The following USP6NL variants were observed in gnomAD, a reference collection of about 807,000 sequenced individuals.
The protein encoded by USP6NL is USP6 N-terminal-like protein.
A neutral mutation model predicts 61.9 loss-of-function variants in USP6NL; 26 were observed. That is an observed-to-expected ratio of 0.42 (90% CI 0.31 to 0.58). USP6NL has a LOEUF of 0.58. USP6NL is among the 20% of genes least tolerant of loss of function. USP6NL has a pLI of 0.16. For synonymous variants in USP6NL, 432 were observed against 390.1 expected, an observed-to-expected ratio of 1.11 and a Z score of -1.27; for missense variants, 1,114 against 1,034.3, an observed-to-expected ratio of 1.08 and a Z score of -1.06.
intron 4 of USP6NL, among the ~76,000 whole-genome samples, chr10:11,523,285 G>A (rs1326090523): frequency 6.6e-6 from 1 of 152,240 alleles, no homozygotes; most frequent in African/African-American, 2.4e-5. Flanking sequence ...CAATAGACAA[G>A]AGTCAGAGAG....
rs1201886926 is a variant in USP6NL, at chr10:11,476,079, G to A, written c.1078+5691C>T. ...AGGAAAACAAAAGGTGGGGTGAAGA[G>A]GGGGGAAGAGGAAAGGTGTACTGCT... On this transcript the variant is annotated intron_variant, in intron 14 of 14. Transcript: ENST00000609104. This position sits in a 1 kb window ranked among gnomAD's most constrained non-coding sequence, Gnocchi z 4.3. 2.7e-5 allele frequency among the ~76,000 whole-genome samples: 4 copies of A among 149,872 alleles called. No homozygotes were observed. The highest frequency in any genetic ancestry group is 2.1e-4 in the South Asian group (1 of 4,700).
chr10:11,582,929 T>C (rs1837833169), intron 2 of USP6NL, among the ~76,000 whole-genome samples: 1 of 149,760 alleles, frequency 6.7e-6, no homozygotes, highest in Non-Finnish European at 1.5e-5. Context: ...AGATTTCTTA[T>C]GTATCTAGTA....
intron 2 of USP6NL, among the ~76,000 whole-genome samples, chr10:11,582,558 G>C (rs79847025): frequency 0.021 from 3,133 of 152,316 alleles, 50 homozygotes; most frequent in Middle Eastern, 0.048. Context: ...AAGAGCCACA[G>C]AATATGTGTT....
At position 11,542,651 on chromosome 10, in the gene USP6NL, A is replaced by G. The variant is rs146471316; in HGVS notation, c.5-15084T>C. Reference sequence around the variant, plus strand: ...GGAGAATTGCCTGAACCCGGGAGACAGAGTTTGCAAGGAGCTGAGATCAGG... The same window carrying G: ...GGAGAATTGCCTGAACCCGGGAGACGGAGTTTGCAAGGAGCTGAGATCAGG... On this transcript the variant is annotated intron_variant, in intron 2 of 14. Transcript: ENST00000609104. 1.3e-4 allele frequency among the ~76,000 whole-genome samples: 20 copies of G among 152,300 alleles called. 1 individual carries two copies. The East Asian group carries it at 3.9e-3, about 29-fold the overall frequency.
chr10:11,479,934 TA>T (rs2133214732), intron 14 of USP6NL, among the ~76,000 whole-genome samples: 1 of 152,302 alleles, frequency 6.6e-6, no homozygotes, highest in Non-Finnish European at 1.5e-5. Flanking sequence ...GAGGTTCATT[TA>T]ATTATCTTAG....
rs1163689917 is a variant in USP6NL, at chr10:11,525,767, C to T, written c.73-299G>A. On this transcript the variant is annotated intron_variant, in intron 3 of 14. Transcript: ENST00000609104. The surrounding 1 kb of genome is among the most constrained non-coding windows in gnomAD (Gnocchi z 5.0). ...GGGGAAGCTAATGAGGAAAGAAGAG[C>T]GATGGGGATGAGAAAGCCACTCCAG... 6.6e-6 allele frequency among the ~76,000 whole-genome samples: 1 copy of T among 152,132 alleles called. No individual in the cohort carries two copies. Among genetic ancestry groups the T allele is most frequent in the Non-Finnish European group, 1.5e-5 (1 of 68,028 alleles).
Position 11,575,758 on chromosome 10 carries a change from T to C in USP6NL, c.4+21873A>G, listed in dbSNP as rs1837517055. ...GCATCAGTAAGAATATCTGATCACA[T>C]ACTCTGATGTATGTAACTGAGCTGA... On this transcript the variant is annotated intron_variant, in intron 2 of 14. Transcript: ENST00000609104. The surrounding 1 kb of genome is among the most constrained non-coding windows in gnomAD (Gnocchi z 4.2). 6.6e-6 allele frequency among the ~76,000 whole-genome samples: 1 copy of C among 152,208 alleles called. No homozygotes were observed. The highest frequency in any genetic ancestry group is 6.5e-5 in the Admixed American group (1 of 15,286).
intron 2 of USP6NL, chr10:11,573,563 G>A (rs1460103589): frequency 5.0e-6 from 2 of 398,574 alleles, no homozygotes; most frequent in Non-Finnish European, 8.9e-6. Flanking sequence ...AGCAAAATCT[G>A]AGTGCCCTGA....
At chr10:11,471,845 G>GA (rs1016348983) in intron 14 of USP6NL, among the ~76,000 whole-genome samples, 7 of 146,314 alleles carry the variant, frequency 4.8e-5, no homozygotes, top group Non-Finnish European at 1.0e-4. Flanking sequence ...GGGAGGGGGG[G>GA]ACAGCATTAT....
chr10:11,554,168 C>T (rs186680797), intron 2 of USP6NL, among the ~76,000 whole-genome samples: 8 of 152,288 alleles, frequency 5.3e-5, no homozygotes, highest in Admixed American at 5.2e-4. Context: ...AGAGTACACA[C>T]AGAAGAAAGA....
At position 11,555,416 on chromosome 10, in the gene USP6NL, A is replaced by T. The variant is rs189702083; in HGVS notation, c.5-27849T>A. Among the ~76,000 whole-genome samples, 342 of 12,552 alleles carry T rather than the reference A, an allele frequency of 0.027. 21 individuals are homozygous for T. In the East Asian group the frequency reaches 0.39, roughly 14 times the overall value. 8.2% of individuals were successfully genotyped at this position (12,552 alleles called of 152,430 possible). Reference sequence around the variant, plus strand: ...GGCAACAAGAGTGAAACTCGGTCTTAAAAAAAAAAAAAAAAAAATATATAT... The same window carrying T: ...GGCAACAAGAGTGAAACTCGGTCTTTAAAAAAAAAAAAAAAAAATATATAT... On this transcript the variant is annotated intron_variant, in intron 2 of 14. Transcript: ENST00000609104.
chr10:11,549,054 C>T (rs1184971153), intron 2 of USP6NL, among the ~76,000 whole-genome samples: 4 of 152,148 alleles, frequency 2.6e-5, no homozygotes, highest in Non-Finnish European at 4.4e-5. Flanking sequence ...GGAGTCTAGT[C>T]TTCTGGTACC....
intron 7 of USP6NL, 87 bp downstream of exon 7, chr10:11,501,014 T>C (rs1834162502): frequency 1.9e-6 from 2 of 1,034,926 alleles, no homozygotes; most frequent in South Asian, 4.4e-5. Flanking sequence ...TAAGTGATCA[T>C]ATGAATATCT....
intron 1 of USP6NL, among the ~76,000 whole-genome samples, chr10:11,606,991 T>C (rs150370606): frequency 1.4e-3 from 206 of 152,298 alleles, no homozygotes; most frequent in African/African-American, 4.3e-3. Context: ...AGTTTCACCA[T>C]GTTGGCCAGG....
At chr10:11,526,054 T>C (rs1329472327) in intron 3 of USP6NL, among the ~76,000 whole-genome samples, 3 of 146,118 alleles carry the variant, frequency 2.1e-5, no homozygotes, top group African/African-American at 7.3e-5. Flanking sequence ...CACTCCCTCT[T>C]CCCAACTCCT....
rs1468001595 is a variant in USP6NL at position 11,510,412 on chromosome 10, T to C, written c.196-737A>G. 6.6e-6 allele frequency among the ~76,000 whole-genome samples: 1 copy of C among 152,046 alleles called. No individual in the cohort carries two copies. Among genetic ancestry groups the C allele is most frequent in the South Asian group, 2.1e-4 (1 of 4,822 alleles). On this transcript the variant is annotated intron_variant, in intron 5 of 14. Coordinates refer to ENST00000609104, the MANE Select transcript of USP6NL (RefSeq NM_014688.5). The surrounding 1 kb of genome is among the most constrained non-coding windows in gnomAD (Gnocchi z 4.8). ...AGAATGTTCCAGGCAGCCTTGAGAA[T>C]GCATGTATTTCTGAGACAGCAGGGG... is the stretch of plus-strand genomic sequence containing the variant.
chr10:11,533,673 C>T (rs1438912555), intron 2 of USP6NL, among the ~76,000 whole-genome samples: 1 of 152,186 alleles, frequency 6.6e-6, no homozygotes, highest in African/African-American at 2.4e-5. Context: ...GCCCTGCTGA[C>T]TCTGGCCCAG....
rs367600656 is a variant in USP6NL, at chr10:11,548,300, C to T, written c.5-20733G>A. ...CCCCGGAAAAGGTTTGGTGGGAGAA[C>T]AGCAGCACTATTACCTCCTTTGATC... On this transcript the variant is annotated intron_variant, in intron 2 of 14. Coordinates refer to ENST00000609104, the MANE Select transcript of USP6NL (RefSeq NM_014688.5). The surrounding 1 kb of genome is among the most constrained non-coding windows in gnomAD (Gnocchi z 4.3). Among the ~76,000 whole-genome samples, 1 of 152,190 alleles carries T rather than the reference C, an allele frequency of 6.6e-6. No individual in the cohort carries two copies. The highest frequency in any genetic ancestry group is 1.5e-5 in the Non-Finnish European group (1 of 68,040).
At position 11,587,114 on chromosome 10, in the gene USP6NL, T is replaced by C. The variant is rs1444653960; in HGVS notation, c.4+10517A>G. On this transcript the variant is annotated intron_variant, in intron 2 of 14. Transcript: ENST00000609104. The surrounding 1 kb of genome is among the most constrained non-coding windows in gnomAD (Gnocchi z 4.5). ...GTTCCATGATCTACAAGGCCAAGGG[T>C]CATGTCTGTCTTGTTCTTGGCTGTA... Among the ~76,000 whole-genome samples, 1 of 152,168 alleles carries C rather than the reference T, an allele frequency of 6.6e-6. No individual in the cohort carries two copies. The highest frequency in any genetic ancestry group is 1.5e-5 in the Non-Finnish European group (1 of 68,028).
Sources: gnomAD v4.1 joint callset for allele counts (sites outside exome capture counted in the v4.1 genomes callset) on GRCh38, gnomAD v4.1.1 for gene constraint, Gnocchi (gnomAD v3.1) non-coding constraint, MANE v1.5 for transcripts, NCBI Gene and HGNC (gene_info 2026-07-23, HGNC 2026-07-21) for gene names.